The following RGL1 variants were observed in gnomAD, a reference collection of about 807,000 sequenced individuals.
RGL1 encodes the protein ral guanine nucleotide dissociation stimulator like 1.
A neutral mutation model predicts 95.2 loss-of-function variants in RGL1; 24 were observed. That is an observed-to-expected ratio of 0.25 (90% CI 0.18 to 0.35). RGL1 has a LOEUF of 0.35. RGL1 is among the 10% of genes least tolerant of loss of function. The probability of loss-of-function intolerance (pLI) is 1.00; values close to 1 mark genes in which losing one functional copy is unlikely to be tolerated. For missense variants in RGL1, 715 were observed against 936.3 expected (o/e 0.76, Z 3.08); for synonymous variants, 329 against 344.9 (o/e 0.95, Z 0.51).
In RGL1 at chr1:183,883,757, A is replaced by T. The variant is rs756815300; in HGVS notation, c.611-29A>T. The T allele has an allele frequency of 3.1e-6, 5 of 1,612,910 alleles. No homozygotes were observed. The East Asian group carries it at 1.1e-4, about 36-fold the overall frequency. The stretch of plus-strand genomic sequence containing the variant: ...AGCAAGATTATATACACTGGCGCCA[A>T]ATTACTAATCTTTTCCATATGTGAA... On this transcript the variant is annotated intron_variant, in intron 5 of 17. Coordinates refer to ENST00000360851, the MANE Select transcript of RGL1 (RefSeq NM_001297671.3).
rs146013685 is a variant in RGL1, at chr1:183,873,584, T to G, written c.426-7032T>G. 5.9e-5 allele frequency among the ~76,000 whole-genome samples: 9 copies of G among 152,302 alleles called. No homozygotes were observed. The East Asian group carries it at 1.7e-3, about 29-fold the overall frequency. ...AGAAGAGCATTGGGATCTCGGATACTCAAGATTTTTCTCCGCATTTGCCTA... is the reference window on the plus strand; with the variant it reads ...AGAAGAGCATTGGGATCTCGGATACGCAAGATTTTTCTCCGCATTTGCCTA... On this transcript the variant is annotated intron_variant, in intron 4 of 17. Transcript: ENST00000360851.
intron 2 of RGL1, among the ~76,000 whole-genome samples, chr1:183,834,879 C>G (rs976428169): frequency 6.6e-6 from 1 of 151,700 alleles, no homozygotes; most frequent in African/African-American, 2.4e-5. Flanking sequence ...AACAGGGTCT[C>G]ACTATATTGC....
At chr1:183,841,090 A>C (rs1317542905) in intron 2 of RGL1, among the ~76,000 whole-genome samples, 1 of 152,318 alleles carries the variant, frequency 6.6e-6, no homozygotes, top group East Asian at 1.9e-4. Context: ...TGGTTGCCAG[A>C]ACTGCATGCT....
chr1:183,881,642 G>C (rs1454615690), intron 5 of RGL1, among the ~76,000 whole-genome samples: 1 of 152,162 alleles, frequency 6.6e-6, no homozygotes, highest in Non-Finnish European at 1.5e-5. Flanking sequence ...CATCAGTAAG[G>C]GAAAGGAAAT....
chr1:183,741,384 G>T (rs926467139), intron 1 of RGL1, among the ~76,000 whole-genome samples: 1 of 152,130 alleles, frequency 6.6e-6, no homozygotes, highest in Non-Finnish European at 1.5e-5. Context: ...AGCCAGTGGT[G>T]GATGGAAAGA....
At chr1:183,763,363 T>C (rs959160404) in intron 2 of RGL1, among the ~76,000 whole-genome samples, 3 of 152,166 alleles carry the variant, frequency 2.0e-5, no homozygotes, top group Non-Finnish European at 4.4e-5. Flanking sequence ...GTTCTGCACA[T>C]GTACCCCAGA....
intron 2 of RGL1, among the ~76,000 whole-genome samples, chr1:183,825,817 A>G (rs942872600): frequency 1.3e-5 from 2 of 152,166 alleles, no homozygotes; most frequent in Admixed American, 6.5e-5. Flanking sequence ...GTGGAAGCCT[A>G]TGTTCAAATG....
intron 12 of RGL1, among the ~76,000 whole-genome samples, chr1:183,903,146 CAA>C (rs1197757445): frequency 6.6e-6 from 1 of 151,890 alleles, no homozygotes; most frequent in Non-Finnish European, 1.5e-5. Flanking sequence ...TTTAATTTGC[CAA>C]TTAAAATAAA....
chr1:183,661,496 A>G (rs1476324946), intron 1 of RGL1, among the ~76,000 whole-genome samples: 3 of 152,204 alleles, frequency 2.0e-5, no homozygotes, highest in African/African-American at 7.2e-5. Flanking sequence ...CACCTTCCCA[A>G]GACTAAACCA....
intron 2 of RGL1, among the ~76,000 whole-genome samples, chr1:183,828,484 G>A (rs1378197655): frequency 6.6e-6 from 1 of 152,096 alleles, no homozygotes; most frequent in African/African-American, 2.4e-5. Context: ...CAAATGGGGG[G>A]CCTGACCTAC....
intron 2 of RGL1, among the ~76,000 whole-genome samples, chr1:183,757,565 GA>G (rs1277669517): frequency 1.3e-5 from 2 of 152,150 alleles, no homozygotes; most frequent in Admixed American, 6.5e-5. Flanking sequence ...TTTGATATAT[GA>G]ATCTCTGAGA....
chr1:183,896,350 A>G (rs979227052), intron 9 of RGL1, among the ~76,000 whole-genome samples: 1 of 152,228 alleles, frequency 6.6e-6, no homozygotes, highest in African/African-American at 2.4e-5. Context: ...CATGTCCAGT[A>G]TAGGCTATTT....
chr1:183,860,845 C>A (rs1665469463), intron 3 of RGL1, among the ~76,000 whole-genome samples: 1 of 152,118 alleles, frequency 6.6e-6, no homozygotes, highest in Admixed American at 6.5e-5. Context: ...TAGAATAGTA[C>A]CTGTACGTAG....
chr1:183,847,110 A>G (rs1664494977), intron 2 of RGL1, among the ~76,000 whole-genome samples: 1 of 152,158 alleles, frequency 6.6e-6, no homozygotes, highest in African/African-American at 2.4e-5. Flanking sequence ...CACTAAACTC[A>G]TAGGAGAGAG....
At position 183,927,209 on chromosome 1, in the gene RGL1, T is replaced by C. The variant is rs1301838287; in HGVS notation, c.*917T>C. The C allele has an allele frequency of 6.6e-6, 1 of 152,666 alleles. No individual in the cohort carries two copies. Among genetic ancestry groups the C allele is most frequent in the Admixed American group, 6.5e-5 (1 of 15,286 alleles). The allele number at this position is 152,666 out of a possible 1,614,324, so 9.5% of individuals were successfully genotyped here. A position where few individuals can be genotyped will look rare whatever the true frequency, so the allele number is the denominator to read the frequency against. ...CTTATCTGTCTTGGAATGTCACTGC[T>C]TCATTGCCTTCTCTGATTGCCTTTT... On this transcript the variant is annotated 3_prime_UTR_variant, in exon 18 of 18. Coordinates refer to ENST00000360851, the MANE Select transcript of RGL1 (RefSeq NM_001297671.3).
chr1:183,767,506 T>G (rs1659041280), intron 2 of RGL1, among the ~76,000 whole-genome samples: 1 of 152,150 alleles, frequency 6.6e-6, no homozygotes, highest in South Asian at 2.1e-4. Flanking sequence ...TTTTGTGCAA[T>G]TAAGAAATTC....
intron 2 of RGL1, among the ~76,000 whole-genome samples, chr1:183,822,976 A>C (rs1459618380): frequency 1.3e-5 from 2 of 152,202 alleles, no homozygotes; most frequent in Non-Finnish European, 2.9e-5. Context: ...TTAAATCGCC[A>C]GACATCACTC....
chr1:183,842,845 A>T (rs1558242638), intron 2 of RGL1, among the ~76,000 whole-genome samples: 2 of 152,254 alleles, frequency 1.3e-5, no homozygotes, highest in Non-Finnish European at 2.9e-5. Context: ...AAGCAAAAAC[A>T]GGTCCTAAAG....
At chr1:183,842,050 T>C (rs1664093214) in intron 2 of RGL1, among the ~76,000 whole-genome samples, 1 of 152,144 alleles carries the variant, frequency 6.6e-6, no homozygotes, top group Admixed American at 6.5e-5. Context: ...TGCTGGATAG[T>C]GGTTGTAGGG....
Sources: allele counts gnomAD v4.1 joint callset (sites outside exome capture counted in the v4.1 genomes callset), GRCh38; gene constraint gnomAD v4.1.1; transcripts MANE v1.5; gene names NCBI Gene and HGNC (gene_info 2026-07-23, HGNC 2026-07-21).